SH3KBP1: variants seen among roughly 807,000 people sequenced by gnomAD.
SH3KBP1 encodes SH3 domain containing kinase binding protein 1.
A neutral mutation model predicts 50.1 loss-of-function variants in SH3KBP1; 8 were observed. The observed-to-expected ratio is 0.16, with a 90% CI of 0.09 to 0.29. The LOEUF (loss-of-function observed/expected upper bound fraction) is 0.29, where lower values mean the gene tolerates loss of function less well. Ranked by LOEUF, SH3KBP1 falls within the 10% of genes least tolerant of loss-of-function variation. The pLI is 1.00. For synonymous variants in SH3KBP1, 227 were observed against 218.6 expected (o/e 1.04, Z -0.34); for missense variants, 377 against 535.2 (o/e 0.70, Z 2.92).
chrX:19,706,614 C>T (rs1210338187), intron 4 of SH3KBP1, among the ~76,000 whole-genome samples: 2 of 110,592 alleles, frequency 1.8e-5, no homozygotes, highest in Non-Finnish European at 3.8e-5. Flanking sequence ...AGAAGAGAAA[C>T]TTGGTGGCAC....
intron 2 of SH3KBP1, among the ~76,000 whole-genome samples, chrX:19,792,703 T>C (rs1384799884): frequency 1.9e-5 from 2 of 103,176 alleles, no homozygotes; most frequent in Non-Finnish European, 2.0e-5. Context: ...CCAGAGGCAA[T>C]TGTGCCCCAG....
At chrX:19,617,667 C>A (rs1485442608) in intron 8 of SH3KBP1, among the ~76,000 whole-genome samples, 1 of 112,050 alleles carries the variant, frequency 8.9e-6, no homozygotes, top group Non-Finnish European at 1.9e-5. Flanking sequence ...TTAGTGCCAC[C>A]TAGCTTTTTT....
At chrX:19,715,300 T>A (rs1473709775) in intron 3 of SH3KBP1, among the ~76,000 whole-genome samples, 3 of 94,717 alleles carry the variant, frequency 3.2e-5, no homozygotes, top group Non-Finnish European at 4.2e-5. Flanking sequence ...ACGCCAAAAA[T>A]CCCAATGATT....
intron 3 of SH3KBP1, among the ~76,000 whole-genome samples, chrX:19,719,843 C>T: frequency 9.8e-6 from 1 of 101,876 alleles, no homozygotes; most frequent in East Asian, 3.0e-4. Context: ...GAGACCCCAC[C>T]TCTAACTAAT....
intron 8 of SH3KBP1, among the ~76,000 whole-genome samples, chrX:19,609,266 T>C (rs1157222444): frequency 8.9e-6 from 1 of 111,967 alleles, no homozygotes; most frequent in Non-Finnish European, 1.9e-5. Context: ...CCAGGGCTCA[T>C]CCAGCCTACT....
At chrX:19,677,389 C>A (rs2062954219) in intron 6 of SH3KBP1, among the ~76,000 whole-genome samples, 1 of 111,668 alleles carries the variant, frequency 9.0e-6, no homozygotes, top group Non-Finnish European at 1.9e-5. Flanking sequence ...GAGGTACCAC[C>A]TGTATTCATG....
At chrX:19,605,717 G>A (rs1347160871) in intron 9 of SH3KBP1, among the ~76,000 whole-genome samples, 1 of 111,629 alleles carries the variant, frequency 9.0e-6, no homozygotes, top group Non-Finnish European at 1.9e-5. Flanking sequence ...CCATGTGCAC[G>A]CTTCACTTTC....
intron 1 of SH3KBP1, among the ~76,000 whole-genome samples, chrX:19,869,001 C>T (rs192818485): frequency 1.0e-4 from 11 of 110,332 alleles, no homozygotes; most frequent in East Asian, 2.9e-4. Flanking sequence ...TGTAATCACA[C>T]GGATCTTTAA....
chrX:19,878,947 G>GT (rs1463668848), intron 1 of SH3KBP1, among the ~76,000 whole-genome samples: 3 of 112,332 alleles, frequency 2.7e-5, no homozygotes, highest in African/African-American at 9.7e-5. Context: ...CAATAAATCT[G>GT]TTTAAAAAAA....
intron 11 of SH3KBP1, among the ~76,000 whole-genome samples, chrX:19,590,809 ATTTTTTTTTTTT>A (rs34366083): frequency 6.6e-3 from 157 of 23,774 alleles, no homozygotes; most frequent in African/African-American, 0.011. Flanking sequence ...AGGCCTGGCT[ATTTTTTTTTTTT>A]TTTTTTTTTT....
intron 15 of SH3KBP1, among the ~76,000 whole-genome samples, chrX:19,544,571 G>C (rs919446172): frequency 9.0e-6 from 1 of 111,638 alleles, no homozygotes; most frequent in African/African-American, 3.3e-5. Context: ...GCCTTTTCCT[G>C]TTGCCCATCC....
At position 19,870,468 on chromosome X, in the gene SH3KBP1, G is replaced by C. The variant is rs955208852; in HGVS notation, c.4+16839C>G. Among the ~76,000 whole-genome samples the C allele has an allele frequency of 2.7e-5, 3 of 111,014 alleles. No individual in the cohort carries two copies. The Admixed American group carries it at 2.9e-4, about 11-fold the overall frequency. ...GGTGATCCTCCCACCTCAGTGTCCT[G>C]GGTGGCTAGGACTACAGGCATATGC... is the stretch of plus-strand genomic sequence containing the variant. On this transcript the variant is annotated intron_variant, in intron 1 of 17. Transcript: ENST00000397821.
At chrX:19,849,617 A>C (rs953212541) in intron 1 of SH3KBP1, among the ~76,000 whole-genome samples, 4 of 106,526 alleles carry the variant, frequency 3.8e-5, no homozygotes, top group African/African-American at 1.4e-4. Flanking sequence ...TGAACCCAGA[A>C]AGTGGAAGTT....
At chrX:19,799,936 G>T (rs762922449) in intron 2 of SH3KBP1, 1 of 314,556 alleles carries the variant, frequency 3.2e-6, no homozygotes, top group South Asian at 1.6e-4. Flanking sequence ...TTGAGAGTGT[G>T]GAACCTGTAT....
At chrX:19,872,533 A>T (rs1174180974) in intron 1 of SH3KBP1, among the ~76,000 whole-genome samples, 1 of 109,986 alleles carries the variant, frequency 9.1e-6, no homozygotes, top group Non-Finnish European at 1.9e-5. Context: ...GTACTTTGGG[A>T]GGCCGAGGCG....
At chrX:19,644,945 G>C (rs1282490507) in intron 7 of SH3KBP1, among the ~76,000 whole-genome samples, 1 of 111,468 alleles carries the variant, frequency 9.0e-6, no homozygotes, top group African/African-American at 3.3e-5. Flanking sequence ...AGTGGTATCT[G>C]GAGATATTCA....
At chrX:19,760,041 C>CCTCTCTCT (rs745515349) in intron 2 of SH3KBP1, among the ~76,000 whole-genome samples, 523 of 50,422 alleles carry the variant, frequency 0.01, 14 homozygotes, top group African/African-American at 0.018. Context: ...TCTCTCTCTC[C>CCTCTCTCT]CTCTCTCTCT....
rs749981330 is a variant in SH3KBP1 at position 19,764,454 on chromosome X, T to C, written c.163-18013A>G. ...GACTCTGACCCCTGTCTGGATTCTATAAGCACTCCTGACTCTACTCCATCA... is the reference window on the plus strand; with the variant it reads ...GACTCTGACCCCTGTCTGGATTCTACAAGCACTCCTGACTCTACTCCATCA... On this transcript the variant is annotated intron_variant, in intron 2 of 17. Coordinates refer to ENST00000397821, the MANE Select transcript of SH3KBP1 (RefSeq NM_031892.3). Among the ~76,000 whole-genome samples the C allele has an allele frequency of 9.0e-5, 10 of 111,320 alleles. No homozygotes were observed. In the East Asian group the frequency reaches 2.8e-3, roughly 31 times the overall value.
At chrX:19,773,834 C>T (rs897841744) in intron 2 of SH3KBP1, among the ~76,000 whole-genome samples, 12 of 81,919 alleles carry the variant, frequency 1.5e-4, no homozygotes, top group Admixed American at 8.8e-4. Context: ...CCAGCCTGGG[C>T]GACAGAGCGA....
Sources: gnomAD v4.1 joint callset for allele counts (sites outside exome capture counted in the v4.1 genomes callset) on GRCh38, gnomAD v4.1.1 for gene constraint, MANE v1.5 for transcripts, NCBI Gene and HGNC (gene_info 2026-07-23, HGNC 2026-07-21) for gene names.